Variants in PTCHD4 observed in about 807,000 individuals in gnomAD.
PTCHD4 encodes patched domain-containing protein 4.
Under a neutral mutation model 58.1 loss-of-function variants are expected in PTCHD4, and 33 were observed. The ratio of observed to expected loss-of-function variants is 0.57; its 90% CI spans 0.43 to 0.76. The LOEUF is 0.76. Ranked by LOEUF, PTCHD4 falls within the 30% of genes least tolerant of loss-of-function variation. PTCHD4 has a pLI of 0.00. For synonymous variants in PTCHD4, 478 were observed against 409.6 expected (o/e 1.17, Z -2.02); for missense variants, 1,058 against 1,027.1 (o/e 1.03, Z -0.41).
chr6:47,921,860 C>T (rs1765441108), intron 4 of PTCHD4, among the ~76,000 whole-genome samples: 1 of 151,214 alleles, frequency 6.6e-6, no homozygotes, highest in Non-Finnish European at 1.5e-5. Flanking sequence ...CCTATAATTC[C>T]AGCACTTTGG....
intron 4 of PTCHD4, among the ~76,000 whole-genome samples, chr6:48,004,329 A>G (rs1340437383): frequency 5.9e-5 from 9 of 152,186 alleles, no homozygotes; most frequent in Non-Finnish European, 1.3e-4. Flanking sequence ...ACTTTTACAC[A>G]TAACGCAGAC....
chr6:48,068,689 C>A lies in PTCHD4; in HGVS notation c.6-48G>T, dbSNP rs1158037383. On this transcript the variant is annotated intron_variant, in intron 2 of 4. Coordinates refer to ENST00000339488, the MANE Select transcript of PTCHD4 (RefSeq NM_001384253.1). The surrounding 1 kb of genome is among the most constrained non-coding windows in gnomAD (Gnocchi z 4.2). ...TGTAAGCGCCGGGCTACCCCGTTCT[C>A]CCCCATCCCACCCCCTGGGGCCAGT... The A allele has an allele frequency of 8.1e-6, 12 of 1,473,544 alleles. No homozygotes were observed. Among genetic ancestry groups the A allele is most frequent in the Non-Finnish European group, 1.1e-5 (12 of 1,111,332 alleles). 91.3% of individuals were successfully genotyped at this position (1,473,544 alleles called of 1,614,324 possible). A position where few individuals can be genotyped will look rare whatever the true frequency, so the allele number is the denominator to read the frequency against.
intron 4 of PTCHD4, among the ~76,000 whole-genome samples, chr6:47,993,181 C>A (rs1335480848): frequency 6.6e-6 from 1 of 152,096 alleles, no homozygotes; most frequent in Non-Finnish European, 1.5e-5. Flanking sequence ...AAAAAAATAG[C>A]CACCATGACC....
At chr6:48,079,633 G>A (rs72869977) in intron 1 of PTCHD4, among the ~76,000 whole-genome samples, 29,544 of 150,302 alleles carry the variant, frequency 0.2, 3,174 homozygotes, top group Non-Finnish European at 0.24. Flanking sequence ...CTAGTAGGGC[G>A]GAGTGTTTGA....
At chr6:47,902,256 G>A (rs1209246094) in intron 4 of PTCHD4, among the ~76,000 whole-genome samples, 2 of 152,146 alleles carry the variant, frequency 1.3e-5, no homozygotes, top group East Asian at 1.9e-4. Context: ...ACATTCACAT[G>A]CTCTGGGTTT....
chr6:47,902,934 G>A (rs1458132869), intron 4 of PTCHD4, among the ~76,000 whole-genome samples: 2 of 152,164 alleles, frequency 1.3e-5, no homozygotes, highest in Admixed American at 6.5e-5. Flanking sequence ...ATGATGACCC[G>A]AGAGTGAAGG....
chr6:47,945,773 A>G (rs1357769060), intron 4 of PTCHD4, among the ~76,000 whole-genome samples: 1 of 151,806 alleles, frequency 6.6e-6, no homozygotes, highest in Non-Finnish European at 1.5e-5. Flanking sequence ...TATTAATTTA[A>G]TTAGATCATC....
At chr6:47,903,023 A>T (rs984672487) in intron 4 of PTCHD4, among the ~76,000 whole-genome samples, 2 of 152,188 alleles carry the variant, frequency 1.3e-5, no homozygotes, top group South Asian at 2.1e-4. Context: ...GGAAAAAGGT[A>T]CAAGTTGTCT....
chr6:48,019,458 C>A (rs1013069789), intron 3 of PTCHD4, among the ~76,000 whole-genome samples: 1 of 152,058 alleles, frequency 6.6e-6, no homozygotes, highest in Non-Finnish European at 1.5e-5. Flanking sequence ...AAGTACTGGC[C>A]GGGCGCTGTG....
At chr6:47,940,005 C>T (rs757488155) in intron 4 of PTCHD4, among the ~76,000 whole-genome samples, 4 of 151,974 alleles carry the variant, frequency 2.6e-5, no homozygotes, top group Non-Finnish European at 5.9e-5. Flanking sequence ...AGACATACAT[C>T]GCTTTGAACT....
chr6:47,947,327 A>G lies in PTCHD4; in HGVS notation c.898+61307T>C, dbSNP rs551383977. On this transcript the variant is annotated intron_variant, in intron 4 of 4. Coordinates refer to ENST00000339488, the MANE Select transcript of PTCHD4 (RefSeq NM_001384253.1). The stretch of plus-strand genomic sequence containing the variant: ...TCAATCTTGACACATTTACCCTATC[A>G]TTAGATTTTTTTATATAATCAGTGA... Among the ~76,000 whole-genome samples, 6 of 152,230 alleles carry G rather than the reference A, an allele frequency of 3.9e-5. No individual in the cohort carries two copies. The East Asian group carries it at 1.2e-3, about 29-fold the overall frequency.
intron 1 of PTCHD4, among the ~76,000 whole-genome samples, chr6:48,106,409 C>G (rs565407486): frequency 6.6e-6 from 1 of 152,044 alleles, no homozygotes; most frequent in Non-Finnish European, 1.5e-5. Flanking sequence ...CAATGCTTCA[C>G]GCTAAAAATT....
At chr6:47,941,586 T>C (rs1005906568) in intron 4 of PTCHD4, among the ~76,000 whole-genome samples, 2 of 152,112 alleles carry the variant, frequency 1.3e-5, no homozygotes, top group African/African-American at 4.8e-5. Flanking sequence ...GTAGCAAAAT[T>C]GATGCCATCT....
intron 4 of PTCHD4, among the ~76,000 whole-genome samples, chr6:47,956,006 T>A (rs10485048): frequency 6.6e-6 from 1 of 152,340 alleles, no homozygotes; most frequent in Admixed American, 6.5e-5. Context: ...TTTCATTATA[T>A]AGTGGTTCTT....
chr6:48,053,549 T>C (rs1306705917), intron 3 of PTCHD4, among the ~76,000 whole-genome samples: 4 of 152,248 alleles, frequency 2.6e-5, no homozygotes, highest in Admixed American at 6.5e-5. Flanking sequence ...ATATTTTACT[T>C]CATTAAGCTA....
chr6:47,967,233 G>T (rs1417564130), intron 4 of PTCHD4, among the ~76,000 whole-genome samples: 1 of 152,098 alleles, frequency 6.6e-6, no homozygotes, highest in Admixed American at 6.6e-5. Flanking sequence ...AGAGCTCTTG[G>T]GTAACCAGAC....
intron 4 of PTCHD4, among the ~76,000 whole-genome samples, chr6:47,978,871 G>A (rs79779221): frequency 0.047 from 7,179 of 152,106 alleles, 202 homozygotes; most frequent in African/African-American, 0.058. Flanking sequence ...TGTTCCTTGT[G>A]TTATATCAAG....
intron 4 of PTCHD4, among the ~76,000 whole-genome samples, chr6:47,893,986 GA>G (rs1581839669): frequency 6.6e-6 from 1 of 152,184 alleles, no homozygotes; most frequent in Non-Finnish European, 1.5e-5. Context: ...GGGTGAAGCT[GA>G]AAAAGAGCTT....
chr6:47,904,750 T>C (rs1764822166), intron 4 of PTCHD4, among the ~76,000 whole-genome samples: 1 of 152,196 alleles, frequency 6.6e-6, no homozygotes, highest in Admixed American at 6.6e-5. Flanking sequence ...CAAGAAATAT[T>C]CTTTGAAAAC....
Sources: allele counts gnomAD v4.1 joint callset (sites outside exome capture counted in the v4.1 genomes callset), GRCh38; gene constraint gnomAD v4.1.1; non-coding constraint Gnocchi (gnomAD v3.1); transcripts MANE v1.5; gene names NCBI Gene and HGNC (gene_info 2026-07-23, HGNC 2026-07-21).